The following COLEC12 variants were observed in gnomAD, a reference collection of about 807,000 sequenced individuals.
The protein encoded by COLEC12 is collectin subfamily member 12, also known as collectin-12.
In COLEC12, 33 loss-of-function variants were observed where a neutral mutation model predicts 71.1. That is an observed-to-expected ratio of 0.46 (90% CI 0.35 to 0.62). The LOEUF is 0.62. Among genes scored for constraint, COLEC12 ranks in the 20% least tolerant of loss-of-function variants. COLEC12 has a pLI of 0.00. For synonymous variants in COLEC12, 350 were observed against 353.0 expected (o/e 0.99, Z 0.10); for missense variants, 765 against 916.1 (o/e 0.84, Z 2.13).
intron 2 of COLEC12, among the ~76,000 whole-genome samples, chr18:385,953 G>C (rs1367902093): frequency 6.6e-6 from 1 of 152,212 alleles, no homozygotes. Context: ...ATCTTTGGGA[G>C]AGTAAAGTGC....
intron 2 of COLEC12, among the ~76,000 whole-genome samples, chr18:476,168 C>A (rs1917299759): frequency 6.6e-6 from 1 of 152,138 alleles, no homozygotes; most frequent in African/African-American, 2.4e-5. Flanking sequence ...ACTGTAACCC[C>A]TAAATAATTT....
intron 4 of COLEC12, 67 bp downstream of exon 4, chr18:347,998 T>C (rs939944170): frequency 9.3e-7 from 1 of 1,073,192 alleles, no homozygotes; most frequent in Non-Finnish European, 1.4e-6. Context: ...AGCAACATCA[T>C]TCTAAGAAGC....
intron 2 of COLEC12, among the ~76,000 whole-genome samples, chr18:384,757 C>T (rs1046311805): frequency 5.9e-5 from 9 of 152,222 alleles, no homozygotes; most frequent in African/African-American, 2.2e-4. Context: ...ATTCTAGGGG[C>T]TCAATGGTTT....
intron 3 of COLEC12, among the ~76,000 whole-genome samples, chr18:351,049 CAT>C (rs1914509257): frequency 1.3e-5 from 2 of 151,740 alleles, no homozygotes; most frequent in African/African-American, 4.8e-5. Flanking sequence ...GTATTCATCA[CAT>C]GTTCTACCCA....
intron 2 of COLEC12, among the ~76,000 whole-genome samples, chr18:436,525 A>AAGGGG (rs1491456419): frequency 2.0e-5 from 2 of 98,924 alleles, no homozygotes; most frequent in African/African-American, 8.5e-5. Flanking sequence ...CAAAAAAAAA[A>AAGGGG]GGGGGGGGGG....
intron 2 of COLEC12, among the ~76,000 whole-genome samples, chr18:438,039 T>A: frequency 6.6e-6 from 1 of 152,194 alleles, no homozygotes; most frequent in Admixed American, 6.5e-5. Context: ...CCTGAATATA[T>A]TTTGAGTTTA....
At chr18:402,700 G>A (rs180773486) in intron 2 of COLEC12, among the ~76,000 whole-genome samples, 51 of 152,142 alleles carry the variant, frequency 3.4e-4, no homozygotes, top group African/African-American at 1.1e-3. Flanking sequence ...CTACTGCTGC[G>A]AAAGTTTGTT....
intron 2 of COLEC12, among the ~76,000 whole-genome samples, chr18:441,459 G>A (rs1916533582): frequency 6.6e-6 from 1 of 152,020 alleles, no homozygotes; most frequent in Non-Finnish European, 1.5e-5. Context: ...ATGTGATGCT[G>A]AGTACATAAT....
At chr18:345,706 C>T (rs1035141446) in intron 5 of COLEC12, among the ~76,000 whole-genome samples, 2 of 152,160 alleles carry the variant, frequency 1.3e-5, no homozygotes, top group African/African-American at 4.8e-5. Context: ...AGCTCAAGGA[C>T]CAAGAAAATT....
At chr18:372,096 A>T (rs900092755) in intron 2 of COLEC12, among the ~76,000 whole-genome samples, 1 of 151,696 alleles carries the variant, frequency 6.6e-6, no homozygotes, top group Non-Finnish European at 1.5e-5. Context: ...AGACACTACG[A>T]CCCCACCCGC....
intron 4 of COLEC12, 109 bp from the exon 5 acceptor site, chr18:347,450 A>C (rs1914410865): frequency 1.1e-6 from 1 of 890,256 alleles, no homozygotes; most frequent in African/African-American, 1.7e-5. Context: ...TTAGATGCAA[A>C]ATTGGCAGTA....
chr18:317,614 G>A lies in COLEC12; in HGVS notation c.*2431C>T, dbSNP rs1299254087. 1 of 152,214 alleles carries A rather than the reference G, an allele frequency of 6.6e-6. No individual in the cohort carries two copies. The highest frequency in any genetic ancestry group is 2.4e-5 in the African/African-American group (1 of 41,452). 9.4% of individuals were successfully genotyped at this position (152,214 alleles called of 1,614,324 possible). ...CTGGGAGAGCAATAACTTCAGCTGCGAAAGCTAATACTAGTCTATCCTGAT... is the reference window on the plus strand; with the variant it reads ...CTGGGAGAGCAATAACTTCAGCTGCAAAAGCTAATACTAGTCTATCCTGAT... On this transcript the variant is annotated 3_prime_UTR_variant, in exon 10 of 10. Coordinates refer to ENST00000400256, the MANE Select transcript of COLEC12 (RefSeq NM_130386.3).
At chr18:343,295 C>G (rs1914297608) in intron 5 of COLEC12, among the ~76,000 whole-genome samples, 1 of 152,128 alleles carries the variant, frequency 6.6e-6, no homozygotes, top group Non-Finnish European at 1.5e-5. Context: ...AGGCCGAGGA[C>G]TCCTCACCTC....
intron 2 of COLEC12, among the ~76,000 whole-genome samples, chr18:379,850 G>C (rs922672921): frequency 6.6e-6 from 1 of 152,130 alleles, no homozygotes; most frequent in Non-Finnish European, 1.5e-5. Flanking sequence ...CAGTGCGCAG[G>C]ACGAAAGCCA....
chr18:470,092 C>G (rs1306058395), intron 2 of COLEC12, among the ~76,000 whole-genome samples: 1 of 152,008 alleles, frequency 6.6e-6, no homozygotes, highest in Admixed American at 6.6e-5. Context: ...CATAAGACTT[C>G]TATGTAAACC....
chr18:428,361 A>G (rs946426714), intron 2 of COLEC12, among the ~76,000 whole-genome samples: 1 of 152,240 alleles, frequency 6.6e-6, no homozygotes, highest in African/African-American at 2.4e-5. Context: ...AGTGATTAAA[A>G]CAGAAAAAGT....
At chr18:410,630 G>T (rs28469670) in intron 2 of COLEC12, among the ~76,000 whole-genome samples, 4,129 of 152,066 alleles carry the variant, frequency 0.027, 203 homozygotes, top group African/African-American at 0.094. Flanking sequence ...TCACCATGTT[G>T]CCCAGGCTGG....
At chr18:338,301 A>G (rs1170323947) in intron 5 of COLEC12, among the ~76,000 whole-genome samples, 1 of 152,142 alleles carries the variant, frequency 6.6e-6, no homozygotes, top group African/African-American at 2.4e-5. Flanking sequence ...TCTGGCTCAC[A>G]GTCACTATTA....
chr18:390,681 A>G (rs1915443868), intron 2 of COLEC12, among the ~76,000 whole-genome samples: 2 of 151,860 alleles, frequency 1.3e-5, no homozygotes, highest in African/African-American at 4.8e-5. Flanking sequence ...AATTGCTTGA[A>G]CCTGGGAGGG....
Sources: gnomAD v4.1 joint callset for allele counts (sites outside exome capture counted in the v4.1 genomes callset) on GRCh38, gnomAD v4.1.1 for gene constraint, MANE v1.5 for transcripts, NCBI Gene and HGNC (gene_info 2026-07-23, HGNC 2026-07-21) for gene names.